CAPNS1: variants seen among roughly 807,000 people sequenced by gnomAD.
CAPNS1 encodes calpain small subunit 1.
In CAPNS1, 32 loss-of-function variants were observed where a neutral mutation model predicts 39.2. The ratio of observed to expected loss-of-function variants is 0.82; its 90% CI spans 0.62 to 1.10. The LOEUF (loss-of-function observed/expected upper bound fraction) is 1.10. Ranked by LOEUF, CAPNS1 falls within the 50% of genes least tolerant of loss-of-function variation. CAPNS1 has a pLI of 0.00. For synonymous variants in CAPNS1, 153 were observed against 136.2 expected, an observed-to-expected ratio of 1.12 and a Z score of -0.86; for missense variants, 353 against 373.1, an observed-to-expected ratio of 0.95 and a Z score of 0.44.
chr19:36,144,756 C>T (rs1344966551), intron 6 of CAPNS1, among the ~76,000 whole-genome samples: 1 of 152,128 alleles, frequency 6.6e-6, no homozygotes, highest in South Asian at 2.1e-4. Context: ...AGACATATTG[C>T]ATAGAGCAAA....
chr19:36,148,557 T>C (rs1974660015), intron 9 of CAPNS1, among the ~76,000 whole-genome samples: 1 of 144,592 alleles, frequency 6.9e-6, no homozygotes, highest in South Asian at 2.2e-4. Flanking sequence ...ACTCCTGTAA[T>C]CCCAGCACTT....
rs1274107901 is a variant in CAPNS1 at position 36,140,140 on chromosome 19, CTCCGGACGTGT to C, written c.-32_-22del. 2 of 152,234 alleles carry C rather than the reference CTCCGGACGTGT, an allele frequency of 1.3e-5. No individual in the cohort carries two copies. The highest frequency in any genetic ancestry group is 4.8e-5 in the African/African-American group (2 of 41,460). 9.4% of individuals were successfully genotyped at this position (152,234 alleles called of 1,614,324 possible). ...GCGGCAGTGGAACCGACTCCCAGAACTCCGGACGTGTGCGGCGGTAAGCGCCCGGCCCGTAC... is the reference window on the plus strand; with the variant it reads ...GCGGCAGTGGAACCGACTCCCAGAACGCGGCGGTAAGCGCCCGGCCCGTAC... On this transcript the variant is annotated 5_prime_UTR_variant, in exon 1 of 11. Transcript: ENST00000246533.
At position 36,140,986 on chromosome 19, in the gene CAPNS1, T is replaced by C; in HGVS notation, c.-15-11T>C. 4 of 1,600,208 alleles carry C rather than the reference T, an allele frequency of 2.5e-6. No homozygotes were observed. Among genetic ancestry groups the C allele is most frequent in the Non-Finnish European group, 3.4e-6 (4 of 1,174,122 alleles). ...GGCGAAGCACCCACTGGTCCCCTTT[T>C]TTCCCCCCAGCAGTGAGTCGCAGCC... On this transcript the variant is annotated splice_polypyrimidine_tract_variant and intron_variant, in intron 1 of 10. Coordinates refer to ENST00000246533, the MANE Select transcript of CAPNS1 (RefSeq NM_001749.4).
chr19:36,147,799 G>A (rs1432914165), intron 9 of CAPNS1, among the ~76,000 whole-genome samples: 1 of 150,350 alleles, frequency 6.7e-6, no homozygotes, highest in Non-Finnish European at 1.5e-5. Flanking sequence ...CAGGCCGGGT[G>A]CAGTGGCTTA....
chr19:36,142,724 G>A lies in CAPNS1; in HGVS notation c.316G>A (p.Ala106Thr), dbSNP rs777291107. Residue 106 changes from alanine to threonine, a missense_variant, in exon 4 of 11, where the codon GCC (alanine) becomes ACC (threonine). By Grantham distance (58) the Ala-to-Thr change is moderately conservative. Transcript: ENST00000246533. Reference protein sequence around the residue: ...EEVRQFRRLFAQLAGDDMEVS... With the variant: ...EEVRQFRRLFTQLAGDDMEVS... ...GGTCCGGCAGTTCCGGAGACTCTTT[G>A]CCCAGCTGGCTGGAGATGTAAGTAA... 24 of 1,614,018 alleles carry A rather than the reference G, an allele frequency of 1.5e-5. No homozygotes were observed. The Middle Eastern group carries it at 2.1e-3, about 144-fold the overall frequency.
At position 36,142,900 on chromosome 19, in the gene CAPNS1, C is replaced by A; in HGVS notation, c.334-9C>A. Reference sequence around the variant, plus strand: ...TCACCCCTGACCTGCCCCTAACTTCCGCCCGCAGGACATGGAGGTCAGCGC... The same window carrying A: ...TCACCCCTGACCTGCCCCTAACTTCAGCCCGCAGGACATGGAGGTCAGCGC... On this transcript the variant is annotated splice_polypyrimidine_tract_variant and intron_variant, in intron 4 of 10. Transcript: ENST00000246533. 1 of 1,614,158 alleles carries A rather than the reference C, an allele frequency of 6.2e-7. No homozygotes were observed. The highest frequency in any genetic ancestry group is 8.5e-7 in the Non-Finnish European group (1 of 1,180,000).
At chr19:36,146,386 T>A in intron 9 of CAPNS1, 74 bp downstream of exon 9, 1 of 961,176 alleles carries the variant, frequency 1.0e-6, no homozygotes, top group African/African-American at 1.6e-5. Context: ...CCTCTAAGCC[T>A]GACTTTGAGG....
At chr19:36,148,494 G>C (rs1198938890) in intron 9 of CAPNS1, 2 of 145,650 alleles carry the variant, frequency 1.4e-5, no homozygotes, top group Admixed American at 7.1e-5. Context: ...TCCAGCCTGG[G>C]CCACAGAGAC....
intron 3 of CAPNS1, 40 bp from the exon 4 acceptor site, chr19:36,142,612 G>A: frequency 6.4e-7 from 1 of 1,572,614 alleles, no homozygotes; most frequent in Non-Finnish European, 8.7e-7. Context: ...GTCCTGGCCG[G>A]GTTCCCCTCC....
chr19:36,149,498 A>G lies in CAPNS1; in HGVS notation c.722-80A>G, dbSNP rs187950591. 2.3e-6 allele frequency: 3 copies of G among 1,306,410 alleles called. No individual in the cohort carries two copies. In the East Asian group the frequency reaches 8.3e-5, roughly 36 times the overall value. The allele number at this position is 1,306,410 out of a possible 1,614,324, so 80.9% of individuals were successfully genotyped here. A position where few individuals can be genotyped will look rare whatever the true frequency, so the allele number is the denominator to read the frequency against. Reference sequence around the variant, plus strand: ...TGCCAGCTGCTATGATTGTCATCCCATGTATTTGTGTAATGTTATTATGCC... The same window carrying G: ...TGCCAGCTGCTATGATTGTCATCCCGTGTATTTGTGTAATGTTATTATGCC... On this transcript the variant is annotated intron_variant, in intron 9 of 10. Transcript: ENST00000246533.
chr19:36,145,712 G>A, intron 6 of CAPNS1, 94 bp from the exon 7 acceptor site: 1 of 1,074,342 alleles, frequency 9.3e-7, no homozygotes, highest in Non-Finnish European at 1.4e-6. Context: ...TTCAGCCCTG[G>A]CTGCCCTGCT....
chr19:36,146,740 C>T (rs534354602), intron 9 of CAPNS1, among the ~76,000 whole-genome samples: 43 of 152,100 alleles, frequency 2.8e-4, no homozygotes, highest in Non-Finnish European at 5.6e-4. Context: ...GAGGAGAGAA[C>T]TTAGTGAGAA....
At chr19:36,149,321 C>T (rs1974688884) in intron 9 of CAPNS1, among the ~76,000 whole-genome samples, 1 of 152,160 alleles carries the variant, frequency 6.6e-6, no homozygotes, top group African/African-American at 2.4e-5. Flanking sequence ...CCATCTTGGC[C>T]TTCCAAAGTG....
intron 1 of CAPNS1, 79 bp from the exon 2 acceptor site, chr19:36,140,918 A>T: frequency 6.4e-7 from 1 of 1,569,598 alleles, no homozygotes; most frequent in South Asian, 1.1e-5. Context: ...TCCCAGGTCC[A>T]GCTGCCGGAA....
intron 6 of CAPNS1, among the ~76,000 whole-genome samples, chr19:36,143,417 C>T (rs1974449928): frequency 1.3e-5 from 2 of 151,988 alleles, no homozygotes; most frequent in South Asian, 4.1e-4. Flanking sequence ...CTGAAAGAAG[C>T]AGTCATTTGT....
intron 9 of CAPNS1, 98 bp downstream of exon 9, chr19:36,146,410 G>A: frequency 1.3e-6 from 1 of 786,418 alleles, no homozygotes. Context: ...GCGATGCTAG[G>A]GGCACAGTGG....
At chr19:36,146,126 C>T in intron 8 of CAPNS1, 70 bp from the exon 9 acceptor site, 1 of 1,583,352 alleles carries the variant, frequency 6.3e-7, no homozygotes, top group Non-Finnish European at 8.7e-7. Flanking sequence ...CTGGTCTGGG[C>T]CTGACTCCTG....
Position 36,142,301 on chromosome 19 carries a change from G to C in CAPNS1, c.211G>C (p.Glu71Gln), listed in dbSNP as rs1245270752. ...CCCCTCCCCCTTATCTCTTCGCAGC[G>C]AGGCGGCTGCGCAGTACAACCCGGA... is the stretch of plus-strand genomic sequence containing the variant. ...ILGGVISAIS[E>Q]AAAQYNPEPP... Residue 71 changes from glutamate to glutamine, a missense_variant and splice_region_variant, in exon 3 of 11, where the codon GAG becomes CAG. Coordinates refer to ENST00000246533, the MANE Select transcript of CAPNS1 (RefSeq NM_001749.4). The C allele has an allele frequency of 2.5e-6, 4 of 1,590,676 alleles. No individual in the cohort carries two copies. The highest frequency in any genetic ancestry group is 1.4e-5 in the African/African-American group (1 of 72,532).
chr19:36,140,917 C>A, intron 1 of CAPNS1, 80 bp from the exon 2 acceptor site: 1 of 1,569,394 alleles, frequency 6.4e-7, no homozygotes. Flanking sequence ...CTCCCAGGTC[C>A]AGCTGCCGGA....
Sources: allele counts gnomAD v4.1 joint callset (sites outside exome capture counted in the v4.1 genomes callset), GRCh38; gene constraint gnomAD v4.1.1; transcripts MANE v1.5; gene names NCBI Gene and HGNC (gene_info 2026-07-23, HGNC 2026-07-21).